KLF12: variants seen among roughly 807,000 people sequenced by gnomAD.
KLF12 encodes the protein Krueppel-like factor 12.
KLF12 carries 9 observed loss-of-function variants against 37.8 expected under a neutral mutation model. The ratio of observed to expected loss-of-function variants is 0.24; its 90% CI spans 0.14 to 0.42. The LOEUF (loss-of-function observed/expected upper bound fraction) is 0.42. Ranked by LOEUF, KLF12 falls within the 10% of genes least tolerant of loss-of-function variation. The probability of loss-of-function intolerance (pLI) is 1.00; values close to 1 mark genes in which losing one functional copy is unlikely to be tolerated. For synonymous variants in KLF12, 208 were observed against 202.1 expected, an observed-to-expected ratio of 1.03 and a Z score of -0.25; for missense variants, 411 against 516.0, an observed-to-expected ratio of 0.80 and a Z score of 1.97.
At chr13:74,091,130 A>T (rs79787985) in intron 1 of KLF12, among the ~76,000 whole-genome samples, 7,323 of 152,274 alleles carry the variant, frequency 0.048, 270 homozygotes, top group Non-Finnish European at 0.073. Context: ...ATGAAAAATC[A>T]AGAGTCTTTT....
At chr13:74,052,954 G>A (rs956625603) in intron 1 of KLF12, among the ~76,000 whole-genome samples, 8 of 151,986 alleles carry the variant, frequency 5.3e-5, no homozygotes, top group Admixed American at 1.3e-4. Context: ...GTCTTCCCTG[G>A]CTACCATATG....
At chr13:73,977,051 CTTTTTT>C (rs113481989) in intron 2 of KLF12, among the ~76,000 whole-genome samples, 1 of 139,704 alleles carries the variant, frequency 7.2e-6, no homozygotes, top group Admixed American at 7.2e-5. Flanking sequence ...AGACAACATA[CTTTTTT>C]TTTTTTTTTT....
At chr13:74,003,925 C>A (rs1180055619) in intron 1 of KLF12, among the ~76,000 whole-genome samples, 1 of 152,172 alleles carries the variant, frequency 6.6e-6, no homozygotes, top group Non-Finnish European at 1.5e-5. Context: ...AACTGCCCCA[C>A]TGCAGGCTTA....
At chr13:74,085,282 G>A (rs2138784588) in intron 1 of KLF12, among the ~76,000 whole-genome samples, 1 of 152,212 alleles carries the variant, frequency 6.6e-6, no homozygotes, top group Admixed American at 6.5e-5. Flanking sequence ...CTGCCCCAAG[G>A]GTCATATAAA....
chr13:73,830,551 T>C (rs1335256577), intron 4 of KLF12, among the ~76,000 whole-genome samples: 1 of 152,206 alleles, frequency 6.6e-6, no homozygotes, highest in African/African-American at 2.4e-5. Flanking sequence ...TGTAATGTTA[T>C]AATGATTATT....
the KLF12 span, among the ~76,000 whole-genome samples, chr13:74,164,376 A>C: frequency 6.6e-6 from 1 of 152,166 alleles, no homozygotes; most frequent in African/African-American, 2.4e-5. Context: ...CATTTACTGC[A>C]AATTAGTCAT....
intron 1 of KLF12, among the ~76,000 whole-genome samples, chr13:74,093,166 C>T (rs1181304160): frequency 6.6e-6 from 1 of 152,198 alleles, no homozygotes; most frequent in Non-Finnish European, 1.5e-5. Context: ...CTTAAGCCTG[C>T]CTGAGTTCAT....
At chr13:74,163,351 G>T in the KLF12 span, among the ~76,000 whole-genome samples, 1 of 152,082 alleles carries the variant, frequency 6.6e-6, no homozygotes, top group Non-Finnish European at 1.5e-5. Context: ...ACAGATGAAT[G>T]GATAAAGAAA....
At chr13:73,748,416 G>A (rs1005164777) in intron 6 of KLF12, among the ~76,000 whole-genome samples, 1 of 152,176 alleles carries the variant, frequency 6.6e-6, no homozygotes, top group Non-Finnish European at 1.5e-5. Context: ...TGGAGATGGG[G>A]CCTTTGGGGA....
intron 4 of KLF12, among the ~76,000 whole-genome samples, chr13:73,819,597 A>G (rs534325192): frequency 5.4e-4 from 82 of 152,376 alleles, no homozygotes; most frequent in Admixed American, 1.7e-3. Context: ...AGTGAAAAAG[A>G]GTGAACAGAT....
At chr13:73,731,536 CAAA>C (rs66701744) in intron 6 of KLF12, among the ~76,000 whole-genome samples, 1 of 103,528 alleles carries the variant, frequency 9.7e-6, no homozygotes, top group Non-Finnish European at 1.8e-5. Context: ...GGAAATTAGA[CAAA>C]AAAAAAAAAA....
intron 4 of KLF12, among the ~76,000 whole-genome samples, chr13:73,828,598 G>C (rs969800245): frequency 6.6e-6 from 1 of 152,036 alleles, no homozygotes; most frequent in African/African-American, 2.4e-5. Context: ...GAATTCTCAC[G>C]TGGCTTCCTG....
chr13:73,900,090 G>C (rs1045126190), intron 3 of KLF12, among the ~76,000 whole-genome samples: 10 of 152,172 alleles, frequency 6.6e-5, no homozygotes, highest in African/African-American at 2.4e-4. Context: ...TAAAGAAAAG[G>C]AAGATAGCCC....
At chr13:74,160,511 A>G in the KLF12 span, among the ~76,000 whole-genome samples, 3 of 152,240 alleles carry the variant, frequency 2.0e-5, no homozygotes, top group Non-Finnish European at 4.4e-5. Context: ...ATACAGATCC[A>G]GGCACTTCCA....
chr13:73,983,149 C>A (rs1249820659), intron 2 of KLF12, among the ~76,000 whole-genome samples: 1 of 152,118 alleles, frequency 6.6e-6, no homozygotes, highest in African/African-American at 2.4e-5. Context: ...ACCAAGGAAT[C>A]CCTTTATCTT....
chr13:73,702,888 T>A (rs1374465180), intron 7 of KLF12, among the ~76,000 whole-genome samples: 2 of 152,178 alleles, frequency 1.3e-5, no homozygotes, highest in African/African-American at 4.8e-5. Context: ...ACCTTCAAGA[T>A]GAGGAAACTG....
Position 73,882,580 on chromosome 13 carries a change from G to A in KLF12, c.124-36207C>T, listed in dbSNP as rs186443487. ...GGCTGCATGAGAAATGTCAACTACA[G>A]AATTTGATTTTTATAGACTTTGGAT... On this transcript the variant is annotated intron_variant, in intron 3 of 7. Coordinates refer to ENST00000377669, the MANE Select transcript of KLF12 (RefSeq NM_007249.5). 3.4e-4 allele frequency among the ~76,000 whole-genome samples: 51 copies of A among 152,232 alleles called. No individual in the cohort carries two copies. The East Asian group carries it at 6.9e-3, about 21-fold the overall frequency.
At chr13:73,740,447 C>A (rs922848700) in intron 6 of KLF12, among the ~76,000 whole-genome samples, 3 of 152,172 alleles carry the variant, frequency 2.0e-5, no homozygotes, top group South Asian at 2.1e-4. Context: ...ACAGGGTAAA[C>A]CTGCTTAAGC....
Position 73,821,288 on chromosome 13 carries a change from A to G in KLF12, c.671-8001T>C, listed in dbSNP as rs145159963. On this transcript the variant is annotated intron_variant, in intron 4 of 7. Transcript: ENST00000377669. ...CATAATTTCCCCAATTTCAATTGCT[A>G]TCTCAGAAGGGATGAATACCAAATC... 5.8e-3 allele frequency among the ~76,000 whole-genome samples: 877 copies of G among 152,260 alleles called. 7 individuals are homozygous for G. Among genetic ancestry groups the G allele is most frequent in the Non-Finnish European group, 6.0e-3 (409 of 68,018 alleles).
Sources: allele counts gnomAD v4.1 joint callset (sites outside exome capture counted in the v4.1 genomes callset), GRCh38; gene constraint gnomAD v4.1.1; transcripts MANE v1.5; gene names NCBI Gene and HGNC (gene_info 2026-07-23, HGNC 2026-07-21).